LPCAT1: variants seen among roughly 807,000 people sequenced by gnomAD.
LPCAT1 encodes lysophosphatidylcholine acyltransferase 1.
Under a neutral mutation model 60.9 loss-of-function variants are expected in LPCAT1, and 23 were observed. The observed-to-expected ratio is 0.38, with a 90% CI of 0.27 to 0.53. The LOEUF is 0.53. Among genes scored for constraint, LPCAT1 ranks in the 20% least tolerant of loss-of-function variants. The probability of loss-of-function intolerance (pLI) is 0.82; values close to 1 mark genes in which losing one functional copy is unlikely to be tolerated. For missense variants in LPCAT1, 622 were observed against 723.6 expected (o/e 0.86, Z 1.61); for synonymous variants, 340 against 301.1 (o/e 1.13, Z -1.34).
At chr5:1,509,294 T>G (rs1331702426) in intron 1 of LPCAT1, among the ~76,000 whole-genome samples, 1 of 152,230 alleles carries the variant, frequency 6.6e-6, no homozygotes, top group Non-Finnish European at 1.5e-5. Context: ...TGAAGGTGCA[T>G]CCCAACATTG....
At chr5:1,517,707 A>G (rs1333734842) in intron 1 of LPCAT1, among the ~76,000 whole-genome samples, 2 of 152,168 alleles carry the variant, frequency 1.3e-5, no homozygotes, top group Non-Finnish European at 2.9e-5. Context: ...GGAAGAAACG[A>G]TTTAAATAAA....
intron 11 of LPCAT1, 24 bp downstream of exon 11, chr5:1,473,933 C>G (rs114531987): frequency 6.2e-7 from 1 of 1,602,922 alleles, no homozygotes; most frequent in Non-Finnish European, 8.5e-7. Context: ...GCCGACACCC[C>G]GCTCCGCAGG....
At position 1,496,861 on chromosome 5, in the gene LPCAT1, C is replaced by A. The variant is rs575969031; in HGVS notation, c.279-1947G>T. Reference sequence around the variant, plus strand: ...CCCACTCACCCCAAGGCAAAGGGAGCCAGCACAAGCCCAGGGTGCTCAGGT... The same window carrying A: ...CCCACTCACCCCAAGGCAAAGGGAGACAGCACAAGCCCAGGGTGCTCAGGT... On this transcript the variant is annotated intron_variant, in intron 2 of 13. Coordinates refer to ENST00000283415, the MANE Select transcript of LPCAT1 (RefSeq NM_024830.5). This position sits in a 1 kb window ranked among gnomAD's most constrained non-coding sequence, Gnocchi z 4.7. 2.1e-4 allele frequency among the ~76,000 whole-genome samples: 32 copies of A among 152,300 alleles called. No individual in the cohort carries two copies. The South Asian group carries it at 6.4e-3, about 31-fold the overall frequency.
At chr5:1,503,245 G>A (rs930050491) in intron 1 of LPCAT1, among the ~76,000 whole-genome samples, 6 of 152,208 alleles carry the variant, frequency 3.9e-5, no homozygotes, top group Non-Finnish European at 5.9e-5. Context: ...GCTGCACCAA[G>A]CAACCACAAA....
In LPCAT1 at chr5:1,483,519, G is replaced by T; in HGVS notation, c.668-33C>A. ...GAAAGGAACAGCGGTGTTGCCCATG[G>T]CAGCCCACGCAGGACAGCGTCTGCT... On this transcript the variant is annotated intron_variant, in intron 5 of 13. Transcript: ENST00000283415. The surrounding 1 kb of genome is among the most constrained non-coding windows in gnomAD (Gnocchi z 9.2). 6.2e-7 allele frequency: 1 copy of T among 1,609,268 alleles called. No homozygotes were observed. Among genetic ancestry groups the T allele is most frequent in the Admixed American group, 1.7e-5 (1 of 59,954 alleles).
In LPCAT1 at chr5:1,477,637, C is replaced by G; in HGVS notation, c.817-151G>C. 1 of 604,052 alleles carries G rather than the reference C, an allele frequency of 1.7e-6. No individual in the cohort carries two copies. The highest frequency in any genetic ancestry group is 2.7e-4 in the Middle Eastern group (1 of 3,666). The allele number at this position is 604,052 out of a possible 1,614,324, so 37.4% of individuals were successfully genotyped here. On this transcript the variant is annotated intron_variant, in intron 8 of 13. Coordinates refer to ENST00000283415, the MANE Select transcript of LPCAT1 (RefSeq NM_024830.5). The surrounding 1 kb of genome is among the most constrained non-coding windows in gnomAD (Gnocchi z 6.0). ...AAGTTGTCATGTGCACGTGTGTGTACGCACACACACACCCCCATGATGCAT... is the reference window on the plus strand; with the variant it reads ...AAGTTGTCATGTGCACGTGTGTGTAGGCACACACACACCCCCATGATGCAT...
chr5:1,515,540 G>C (rs1248533842), intron 1 of LPCAT1, among the ~76,000 whole-genome samples: 1 of 148,692 alleles, frequency 6.7e-6, no homozygotes, highest in Non-Finnish European at 1.5e-5. Context: ...AGATACAGGG[G>C]CCCCCCAGAA....
Position 1,474,640 on chromosome 5 carries a change from C to G in LPCAT1, c.945G>C (p.Gln315His), listed in dbSNP as rs1488879883. ...SVTDYTFEDCQLALAEGQLRL... is the reference protein window; with the variant it reads ...SVTDYTFEDCHLALAEGQLRL... Reference sequence around the variant, plus strand: ...GGAGCTGTCCTTCCGCCAGGGCCAGCTGGCAGTCCTCGAACGTGTAGTCAG... The same window carrying G: ...GGAGCTGTCCTTCCGCCAGGGCCAGGTGGCAGTCCTCGAACGTGTAGTCAG... The change falls in exon 10 of 14, where the codon CAG (glutamine) becomes CAC (histidine). Residue 315 changes from glutamine (Q) to histidine (H), a missense_variant. Coordinates refer to ENST00000283415, the MANE Select transcript of LPCAT1 (RefSeq NM_024830.5). 1.9e-6 allele frequency: 3 copies of G among 1,613,900 alleles called. No individual in the cohort carries two copies. The highest frequency in any genetic ancestry group is 3.3e-5 in the Admixed American group (2 of 59,986).
intron 9 of LPCAT1, among the ~76,000 whole-genome samples, chr5:1,475,911 G>A (rs988338998): frequency 6.6e-6 from 1 of 151,656 alleles, no homozygotes; most frequent in African/African-American, 2.4e-5. Flanking sequence ...CCAGGAGTCC[G>A]AGGCTGCTTC....
intron 2 of LPCAT1, among the ~76,000 whole-genome samples, 198 bp downstream of exon 2, chr5:1,501,263 G>A (rs554208560): frequency 3.9e-5 from 6 of 152,276 alleles, no homozygotes; most frequent in African/African-American, 1.2e-4. Flanking sequence ...GGACTGTGGC[G>A]GAGGCGTGGA....
At chr5:1,488,523 A>G in intron 4 of LPCAT1, 72 bp from the exon 5 acceptor site, 1 of 1,001,124 alleles carries the variant, frequency 1.0e-6, no homozygotes, top group South Asian at 1.5e-5. Flanking sequence ...ACAGAAGCCA[A>G]TCTTCACAAT....
At chr5:1,507,256 C>T (rs1736215469) in intron 1 of LPCAT1, among the ~76,000 whole-genome samples, 1 of 152,218 alleles carries the variant, frequency 6.6e-6, no homozygotes, top group Non-Finnish European at 1.5e-5. Flanking sequence ...CTGCTGATGG[C>T]TGTGGGCCGG....
chr5:1,523,931 G>T lies in LPCAT1; in HGVS notation c.-87C>A, dbSNP rs1313419258. On this transcript the variant is annotated 5_prime_UTR_variant, in exon 1 of 14. Coordinates refer to ENST00000283415, the MANE Select transcript of LPCAT1 (RefSeq NM_024830.5). This position sits in a 1 kb window ranked among gnomAD's most constrained non-coding sequence, Gnocchi z 7.1. ...TAGCTGGGCGCGGGTCTCGGGGCGC[G>T]GGCCGAGGATGCGCGGCGGCTGGAG... The T allele has an allele frequency of 2.2e-6, 2 of 922,626 alleles. No homozygotes were observed. The highest frequency in any genetic ancestry group is 1.8e-5 in the African/African-American group (1 of 55,564). The allele number at this position is 922,626 out of a possible 1,614,324, so 57.2% of individuals were successfully genotyped here.
intron 1 of LPCAT1, among the ~76,000 whole-genome samples, chr5:1,510,199 C>T (rs896955899): frequency 3.9e-5 from 6 of 152,170 alleles, no homozygotes; most frequent in East Asian, 1.9e-4. Context: ...GGAGGATCTG[C>T]GCCTCCCCGC....
At chr5:1,505,665 C>G (rs1042134069) in intron 1 of LPCAT1, among the ~76,000 whole-genome samples, 4 of 152,248 alleles carry the variant, frequency 2.6e-5, no homozygotes, top group Non-Finnish European at 5.9e-5. Context: ...CGCGCACCCC[C>G]ACGCCTGCTC....
chr5:1,517,868 C>A (rs7733659), intron 1 of LPCAT1, among the ~76,000 whole-genome samples: 1 of 152,078 alleles, frequency 6.6e-6, no homozygotes, highest in African/African-American at 2.4e-5. Flanking sequence ...CAGTGCCTCC[C>A]CACACGGGGG....
intron 2 of LPCAT1, among the ~76,000 whole-genome samples, chr5:1,500,838 A>G (rs1735977200): frequency 6.6e-6 from 1 of 152,134 alleles, no homozygotes; most frequent in Non-Finnish European, 1.5e-5. Context: ...CGTTCCCCTC[A>G]TTGCTGCTGC....
rs968480956 is a variant in LPCAT1, at chr5:1,483,733, A to G, written c.668-247T>C. Among the ~76,000 whole-genome samples the G allele has an allele frequency of 6.6e-6, 1 of 151,874 alleles. No homozygotes were observed. Among genetic ancestry groups the G allele is most frequent in the Non-Finnish European group, 1.5e-5 (1 of 68,018 alleles). ...GCCAAGGAACACTTTCTGTTTTAAC[A>G]TCGCGCACGAGCTGGAAGGCGTCTG... On this transcript the variant is annotated intron_variant, in intron 5 of 13. Transcript: ENST00000283415. This position sits in a 1 kb window ranked among gnomAD's most constrained non-coding sequence, Gnocchi z 9.2.
chr5:1,470,776 G>T (rs775027901), intron 12 of LPCAT1, 50 bp downstream of exon 12: 1 of 1,417,316 alleles, frequency 7.1e-7, no homozygotes, highest in South Asian at 1.2e-5. Context: ...GTGCTGACGT[G>T]ACTGCACCGC....
Sources: gnomAD v4.1 joint callset for allele counts (sites outside exome capture counted in the v4.1 genomes callset) on GRCh38, gnomAD v4.1.1 for gene constraint, Gnocchi (gnomAD v3.1) non-coding constraint, MANE v1.5 for transcripts, NCBI Gene and HGNC (gene_info 2026-07-23, HGNC 2026-07-21) for gene names.